Variants in FOXN3 observed in about 807,000 individuals in gnomAD.
FOXN3 encodes forkhead box protein N3.
In FOXN3, 7 loss-of-function variants were observed where a neutral mutation model predicts 38.4. The observed-to-expected ratio is 0.18, with a 90% CI of 0.10 to 0.34. The LOEUF (loss-of-function observed/expected upper bound fraction) is 0.34. Among genes scored for constraint, FOXN3 ranks in the 10% least tolerant of loss-of-function variants. FOXN3 has a pLI of 1.00. For missense variants in FOXN3, 456 were observed against 613.4 expected (o/e 0.74, Z 2.71); for synonymous variants, 230 against 242.2 (o/e 0.95, Z 0.47).
intron 4 of FOXN3, among the ~76,000 whole-genome samples, chr14:89,245,446 G>A (rs1885264050): frequency 6.7e-6 from 1 of 150,048 alleles, no homozygotes; most frequent in South Asian, 2.1e-4. Flanking sequence ...AAAATTCCTT[G>A]GCCTTTAGGT....
chr14:89,443,340 AT>A (rs1238427431), intron 1 of FOXN3, among the ~76,000 whole-genome samples: 4 of 152,214 alleles, frequency 2.6e-5, no homozygotes, highest in African/African-American at 9.6e-5. Context: ...TACTGTGCAT[AT>A]TGTTTTCATT....
chr14:89,606,736 G>A (rs1301881370), intron 1 of FOXN3, among the ~76,000 whole-genome samples: 1 of 152,164 alleles, frequency 6.6e-6, no homozygotes, highest in African/African-American at 2.4e-5. Flanking sequence ...TGTAATCCCA[G>A]CTACTCAGGA....
chr14:89,218,400 C>A (rs754014092), intron 4 of FOXN3, among the ~76,000 whole-genome samples: 4 of 152,244 alleles, frequency 2.6e-5, no homozygotes, highest in Non-Finnish European at 4.4e-5. Context: ...ATTCCCTTGC[C>A]TTTTCCCTAA....
At position 89,459,688 on chromosome 14, in the gene FOXN3, C is replaced by G. The variant is rs1180782055; in HGVS notation, c.-14-47198G>C. On this transcript the variant is annotated intron_variant, in intron 1 of 6. Coordinates refer to the FOXN3 transcript ENST00000345097. The stretch of plus-strand genomic sequence containing the variant: ...ATGGAAGCATACCCTTCCTCACTCC[C>G]TTGGCCCACAACTTTCATGGCTTCC... Among the ~76,000 whole-genome samples the G allele has an allele frequency of 2.0e-5, 3 of 152,180 alleles. No homozygotes were observed. The East Asian group carries it at 5.8e-4, about 29-fold the overall frequency.
chr14:89,352,878 G>A (rs1889036195), intron 2 of FOXN3, among the ~76,000 whole-genome samples: 1 of 152,140 alleles, frequency 6.6e-6, no homozygotes. Context: ...CCATATTAAT[G>A]TATGCTACCA....
At chr14:89,370,057 GCTTT>G (rs1197039751) in intron 2 of FOXN3, among the ~76,000 whole-genome samples, 2 of 136,074 alleles carry the variant, frequency 1.5e-5, no homozygotes, top group East Asian at 2.1e-4. Flanking sequence ...TCACAAAAAT[GCTTT>G]CTAATACTGT....
At position 89,162,427 on chromosome 14, in the gene FOXN3, G is replaced by T. The variant is rs1189254955; in HGVS notation, c.1394C>A (p.Thr465Asn). Residue 465 changes from threonine to asparagine, a missense_variant, in exon 6 of 6, where the codon ACC (threonine) becomes AAC (asparagine). This residue lies in a region of FOXN3 where 386 missense variants were observed against 505.2 expected (regional missense o/e 0.76). Coordinates refer to ENST00000557258, the MANE Select transcript of FOXN3 (RefSeq NM_005197.4). This position sits in a 1 kb window ranked among gnomAD's most constrained non-coding sequence, Gnocchi z 7.2. The stretch of plus-strand genomic sequence containing the variant: ...AGTGACTTGTTTTTAATTTTTTGTG[G>T]TTTCCTTTTGCTCTTTCTGCCCCTT... Reference protein sequence around the residue: ...TAKGQKEQKETTKN With the variant: ...TAKGQKEQKENTKN 1.3e-6 allele frequency: 2 copies of T among 1,553,816 alleles called. No homozygotes were observed. The highest frequency in any genetic ancestry group is 1.2e-5 in the South Asian group (1 of 82,908).
intron 1 of FOXN3, among the ~76,000 whole-genome samples, chr14:89,569,472 G>A (rs1339853599): frequency 3.9e-5 from 6 of 152,130 alleles, no homozygotes; most frequent in Admixed American, 6.5e-5. Flanking sequence ...CCTCCATGAG[G>A]CGGCTGTGTG....
chr14:89,485,260 C>T (rs1893424574), intron 1 of FOXN3, among the ~76,000 whole-genome samples: 1 of 152,018 alleles, frequency 6.6e-6, no homozygotes, highest in Non-Finnish European at 1.5e-5. Context: ...CTGCACCATA[C>T]CCAAATTAAT....
chr14:89,271,033 G>A (rs978010974), intron 4 of FOXN3, among the ~76,000 whole-genome samples: 19 of 151,976 alleles, frequency 1.3e-4, no homozygotes, highest in African/African-American at 4.6e-4. Flanking sequence ...ACTCATGCAT[G>A]TGCACATACC....
chr14:89,326,460 C>G (rs1888085092), intron 3 of FOXN3, among the ~76,000 whole-genome samples: 1 of 152,174 alleles, frequency 6.6e-6, no homozygotes, highest in Admixed American at 6.5e-5. Flanking sequence ...TAATACTCGG[C>G]AGAATCCACA....
intron 2 of FOXN3, among the ~76,000 whole-genome samples, chr14:89,362,732 C>T (rs1464581224): frequency 1.6e-4 from 14 of 85,100 alleles, no homozygotes; most frequent in African/African-American, 2.1e-4. Flanking sequence ...TCCACCACCA[C>T]CTCCACCACC....
chr14:89,334,484 C>T (rs561190777), intron 3 of FOXN3, among the ~76,000 whole-genome samples: 10 of 152,094 alleles, frequency 6.6e-5, no homozygotes, highest in Middle Eastern at 3.4e-3. Flanking sequence ...GTGGTGCACA[C>T]CTGTAGTCTC....
At chr14:89,489,028 G>A (rs992070633) in intron 1 of FOXN3, among the ~76,000 whole-genome samples, 2 of 152,122 alleles carry the variant, frequency 1.3e-5, no homozygotes, top group African/African-American at 4.8e-5. Context: ...TTTATTTCCC[G>A]ATGTTGGTAG....
At chr14:89,378,110 A>G (rs947142774) in intron 2 of FOXN3, among the ~76,000 whole-genome samples, 1 of 152,256 alleles carries the variant, frequency 6.6e-6, no homozygotes, top group South Asian at 2.1e-4. Context: ...GCACTAGCAC[A>G]GTAACATCAT....
intron 4 of FOXN3, among the ~76,000 whole-genome samples, chr14:89,274,192 G>T (rs142800479): frequency 6.6e-6 from 1 of 152,302 alleles, no homozygotes; most frequent in Non-Finnish European, 1.5e-5. Context: ...GAGGTAAGGG[G>T]TGCCAGGACT....
chr14:89,600,168 T>C (rs1195641684), intron 1 of FOXN3, among the ~76,000 whole-genome samples: 1 of 152,226 alleles, frequency 6.6e-6, no homozygotes, highest in African/African-American at 2.4e-5. Context: ...GCTAAATATA[T>C]GCACTACCAC....
At chr14:89,518,186 C>G (rs746563302) in intron 1 of FOXN3, among the ~76,000 whole-genome samples, 4 of 152,198 alleles carry the variant, frequency 2.6e-5, no homozygotes, top group Admixed American at 2.6e-4. Flanking sequence ...CCCCTCTCCC[C>G]CTGAAGGTTC....
At chr14:89,275,598 A>G (rs991545652) in intron 4 of FOXN3, among the ~76,000 whole-genome samples, 1 of 152,198 alleles carries the variant, frequency 6.6e-6, no homozygotes, top group Non-Finnish European at 1.5e-5. Flanking sequence ...AAGACAACCA[A>G]GGTGAGGTAT....
Sources: gnomAD v4.1 joint callset for allele counts (sites outside exome capture counted in the v4.1 genomes callset) on GRCh38, gnomAD v4.1.1 for gene constraint, gnomAD v4.1.1 regional missense constraint, Gnocchi (gnomAD v3.1) non-coding constraint, MANE v1.5 for transcripts, NCBI Gene and HGNC (gene_info 2026-07-23, HGNC 2026-07-21) for gene names.